MRPL48: variants seen among roughly 807,000 people sequenced by gnomAD.
The protein encoded by MRPL48 is mitochondrial ribosomal protein L48, also known as large ribosomal subunit protein mL48.
In MRPL48, 16 loss-of-function variants were observed where a neutral mutation model predicts 32.9. That is an observed-to-expected ratio of 0.49 (90% CI 0.33 to 0.74). The LOEUF is 0.74. Ranked by LOEUF, MRPL48 falls within the 30% of genes least tolerant of loss-of-function variation. The probability of loss-of-function intolerance (pLI) is 0.02; values close to 1 mark genes in which losing one functional copy is unlikely to be tolerated. For missense variants in MRPL48, 206 were observed against 245.3 expected (o/e 0.84, Z 1.07); for synonymous variants, 94 against 89.2 (o/e 1.05, Z -0.31).
At chr11:73,827,056 A>G (rs902043307) in intron 4 of MRPL48, among the ~76,000 whole-genome samples, 2 of 151,938 alleles carry the variant, frequency 1.3e-5, no homozygotes, top group Admixed American at 6.5e-5. Flanking sequence ...GATTACAGGC[A>G]TGAGCCACCA....
At chr11:73,830,765 T>G (rs755718572) in intron 4 of MRPL48, among the ~76,000 whole-genome samples, 11 of 151,884 alleles carry the variant, frequency 7.2e-5, no homozygotes, top group Non-Finnish European at 1.6e-4. Flanking sequence ...ACACTCAGTC[T>G]TATGACTTAC....
At chr11:73,805,004 C>A (rs1315113563) in intron 1 of MRPL48, 23 bp from the exon 2 acceptor site, 1 of 1,578,362 alleles carries the variant, frequency 6.3e-7, no homozygotes, top group South Asian at 1.2e-5. Context: ...TAAGATTGTC[C>A]TAACATGGCT....
At chr11:73,820,446 A>G (rs1260929069) in intron 3 of MRPL48, among the ~76,000 whole-genome samples, 1 of 152,134 alleles carries the variant, frequency 6.6e-6, no homozygotes, top group African/African-American at 2.4e-5. Context: ...GCTGGTCTCA[A>G]ACTCATGACC....
chr11:73,823,664 T>TG (rs1947826848), intron 3 of MRPL48, among the ~76,000 whole-genome samples: 1 of 149,610 alleles, frequency 6.7e-6, no homozygotes, highest in African/African-American at 2.5e-5. Flanking sequence ...GTTTTTTTTT[T>TG]TTTTTTTTTT....
At chr11:73,850,837 T>C (rs1029210521) in intron 5 of MRPL48, among the ~76,000 whole-genome samples, 9 of 152,254 alleles carry the variant, frequency 5.9e-5, no homozygotes, top group African/African-American at 1.9e-4. Context: ...CCACAACGCC[T>C]GGCTAATTTT....
intron 3 of MRPL48, among the ~76,000 whole-genome samples, chr11:73,817,256 A>G (rs925659676): frequency 6.6e-6 from 1 of 152,056 alleles, no homozygotes; most frequent in Non-Finnish European, 1.5e-5. Context: ...ACATTTTTCT[A>G]TTTGGAGAAA....
chr11:73,816,418 T>C (rs1947674798), intron 3 of MRPL48, among the ~76,000 whole-genome samples: 1 of 149,904 alleles, frequency 6.7e-6, no homozygotes, highest in Non-Finnish European at 1.5e-5. Flanking sequence ...TTGATGCCAG[T>C]ATGAAACTGT....
chr11:73,823,125 C>A, intron 3 of MRPL48: 1 of 322,686 alleles, frequency 3.1e-6, no homozygotes, highest in Non-Finnish European at 6.2e-6. Context: ...ATATAAATAA[C>A]ATGCACAATA....
chr11:73,812,074 G>A (rs1468500818), intron 3 of MRPL48, among the ~76,000 whole-genome samples: 1 of 152,088 alleles, frequency 6.6e-6, no homozygotes, highest in African/African-American at 2.4e-5. Context: ...TTTTAGTAGA[G>A]ATGGGGTTTC....
chr11:73,799,597 G>A (rs1947319596), intron 1 of MRPL48, among the ~76,000 whole-genome samples: 1 of 152,098 alleles, frequency 6.6e-6, no homozygotes, highest in Non-Finnish European at 1.5e-5. Context: ...CTACTTCACA[G>A]GCATGGAACA....
At position 73,825,648 on chromosome 11, in the gene MRPL48, A is replaced by T. The variant is rs943902321; in HGVS notation, c.113-60A>T. The T allele has an allele frequency of 4.8e-6, 7 of 1,457,518 alleles. No homozygotes were observed. The African/African-American group carries it at 9.9e-5, about 21-fold the overall frequency. 90.3% of individuals were successfully genotyped at this position (1,457,518 alleles called of 1,614,324 possible). A position where few individuals can be genotyped will look rare whatever the true frequency, so the allele number is the denominator to read the frequency against. On this transcript the variant is annotated intron_variant, in intron 3 of 7. Coordinates refer to ENST00000310614, the MANE Select transcript of MRPL48 (RefSeq NM_016055.6). ...GTGACAGAGCAAGACCCTGTCTCTTAAAAAACAACGATAATAGCAACAACA... is the reference window on the plus strand; with the variant it reads ...GTGACAGAGCAAGACCCTGTCTCTTTAAAAACAACGATAATAGCAACAACA...
intron 1 of MRPL48, among the ~76,000 whole-genome samples, chr11:73,793,449 T>A (rs1947189146): frequency 6.6e-6 from 1 of 152,116 alleles, no homozygotes; most frequent in African/African-American, 2.4e-5. Flanking sequence ...AGATTCAGGG[T>A]GCTATATGAC....
chr11:73,805,101 A>C, intron 2 of MRPL48, 22 bp downstream of exon 2: 1 of 1,537,054 alleles, frequency 6.5e-7, no homozygotes, highest in South Asian at 1.2e-5. Context: ...AAAAACAATA[A>C]TTAAATATAG....
intron 4 of MRPL48, among the ~76,000 whole-genome samples, chr11:73,841,219 C>T (rs539953824): frequency 6.6e-5 from 10 of 152,302 alleles, no homozygotes; most frequent in African/African-American, 2.2e-4. Context: ...AACTACTCTA[C>T]AAAACTGTTT....
At chr11:73,794,572 AT>A in intron 1 of MRPL48, among the ~76,000 whole-genome samples, 1 of 150,966 alleles carries the variant, frequency 6.6e-6, no homozygotes, top group East Asian at 2.0e-4. Flanking sequence ...AAAAAAAAAA[AT>A]TTAAATCAGG....
At chr11:73,824,427 A>C (rs1474353425) in intron 3 of MRPL48, among the ~76,000 whole-genome samples, 1 of 151,954 alleles carries the variant, frequency 6.6e-6, no homozygotes, top group Non-Finnish European at 1.5e-5. Context: ...TCTACTGAAA[A>C]TAGAAAAATT....
chr11:73,790,062 A>ATTTTTT (rs34534770), intron 1 of MRPL48, among the ~76,000 whole-genome samples: 26 of 103,814 alleles, frequency 2.5e-4, no homozygotes, highest in South Asian at 4.1e-4. Flanking sequence ...TGCTCAGCTA[A>ATTTTTT]TTTTTTTTTT....
At chr11:73,817,375 C>G (rs1031178840) in intron 3 of MRPL48, among the ~76,000 whole-genome samples, 18 of 152,250 alleles carry the variant, frequency 1.2e-4, no homozygotes, top group African/African-American at 4.1e-4. Context: ...GAAAGTAGAA[C>G]TATTGGGTCA....
At position 73,844,980 on chromosome 11, in the gene MRPL48, T is replaced by C. The variant is rs1427849131; in HGVS notation, c.371+4T>C. ...TCTCCATTAAAGTCGAGGAAAGGTA[T>C]GAAGGATGCTTTTGTATGGGATGTT... is the stretch of plus-strand genomic sequence containing the variant. On this transcript the variant is annotated splice_donor_region_variant and intron_variant, in intron 5 of 7. Transcript: ENST00000310614. The C allele has an allele frequency of 3.1e-6, 5 of 1,601,946 alleles. No homozygotes were observed. Among genetic ancestry groups the C allele is most frequent in the Non-Finnish European group, 3.4e-6 (4 of 1,171,884 alleles).
Sources: gnomAD v4.1 joint callset for allele counts (sites outside exome capture counted in the v4.1 genomes callset) on GRCh38, gnomAD v4.1.1 for gene constraint, MANE v1.5 for transcripts, NCBI Gene and HGNC (gene_info 2026-07-23, HGNC 2026-07-21) for gene names.